MAN1A2: variants seen among roughly 807,000 people sequenced by gnomAD.
MAN1A2 encodes mannosyl-oligosaccharide 1,2-alpha-mannosidase IB.
MAN1A2 carries 26 observed loss-of-function variants against 75.7 expected under a neutral mutation model. That is an observed-to-expected ratio of 0.34 (90% confidence interval 0.25 to 0.48). The LOEUF (loss-of-function observed/expected upper bound fraction) is 0.48. Ranked by LOEUF, MAN1A2 falls within the 20% of genes least tolerant of loss-of-function variation. The pLI is 0.99. For missense variants in MAN1A2, 562 were observed against 775.5 expected (o/e 0.72, Z 3.27); for synonymous variants, 247 against 264.6 (o/e 0.93, Z 0.65).
At chr1:117,405,436 TA>T in intron 2 of MAN1A2, 112 bp from the exon 3 acceptor site, 1 of 701,552 alleles carries the variant, frequency 1.4e-6, no homozygotes. Context: ...AATGTACTAA[TA>T]TAGATCTGGA....
intron 7 of MAN1A2, among the ~76,000 whole-genome samples, chr1:117,464,685 A>AT (rs1649929809): frequency 6.6e-6 from 1 of 152,152 alleles, no homozygotes; most frequent in African/African-American, 2.4e-5. Context: ...GAAAAACAGA[A>AT]TCGAGTAAGG....
At chr1:117,384,474 A>T (rs777803247) in intron 1 of MAN1A2, among the ~76,000 whole-genome samples, 1 of 152,094 alleles carries the variant, frequency 6.6e-6, no homozygotes, top group Admixed American at 6.6e-5. Flanking sequence ...ACTTTGTATG[A>T]TTTAATATCT....
In MAN1A2 at chr1:117,489,473, T is replaced by C. The variant is rs142597181; in HGVS notation, c.1169-3674T>C. The stretch of plus-strand genomic sequence containing the variant: ...CATCCTTTCTTATGTTAATTATAAA[T>C]TGATGTTTCTTTTTTTGTTGTGTGT... On this transcript the variant is annotated intron_variant, in intron 8 of 12. Coordinates refer to ENST00000356554, the MANE Select transcript of MAN1A2 (RefSeq NM_006699.5). Among the ~76,000 whole-genome samples, 1,121 of 152,202 alleles carry C rather than the reference T, an allele frequency of 7.4e-3. 18 individuals carry two copies. The highest frequency in any genetic ancestry group is 0.026 in the African/African-American group (1,073 of 41,566).
intron 8 of MAN1A2, among the ~76,000 whole-genome samples, chr1:117,472,938 T>G (rs762818670): frequency 2.6e-5 from 4 of 151,996 alleles, no homozygotes; most frequent in Non-Finnish European, 4.4e-5. Context: ...ACAACCCTGC[T>G]GTAGAGGTCA....
chr1:117,416,363 C>T (rs894744570), intron 4 of MAN1A2, among the ~76,000 whole-genome samples: 6 of 152,052 alleles, frequency 3.9e-5, no homozygotes, highest in African/African-American at 7.2e-5. Flanking sequence ...TTGTTCTCTG[C>T]GGAAATTGTC....
chr1:117,436,290 G>C (rs947662180), intron 5 of MAN1A2, among the ~76,000 whole-genome samples: 1 of 152,168 alleles, frequency 6.6e-6, no homozygotes, highest in African/African-American at 2.4e-5. Flanking sequence ...GTAAAACTTA[G>C]AAACCTTAAG....
intron 5 of MAN1A2, among the ~76,000 whole-genome samples, chr1:117,423,351 GTGGC>G (rs1359370550): frequency 6.6e-6 from 1 of 152,060 alleles, no homozygotes; most frequent in African/African-American, 2.4e-5. Context: ...CAAAATTGTT[GTGGC>G]TGTTTTAGTT....
intron 8 of MAN1A2, among the ~76,000 whole-genome samples, chr1:117,488,234 C>CA (rs988536760): frequency 6.8e-6 from 1 of 147,808 alleles, no homozygotes; most frequent in Non-Finnish European, 1.5e-5. Context: ...TTTCTTGAGA[C>CA]AGAGTCTCAC....
At chr1:117,484,585 A>C (rs1295188647) in intron 8 of MAN1A2, among the ~76,000 whole-genome samples, 1 of 151,998 alleles carries the variant, frequency 6.6e-6, no homozygotes, top group Non-Finnish European at 1.5e-5. Flanking sequence ...AAGTTGTTTT[A>C]AGTGGATGCT....
At chr1:117,483,594 C>G (rs1276127650) in intron 8 of MAN1A2, among the ~76,000 whole-genome samples, 1 of 152,010 alleles carries the variant, frequency 6.6e-6, no homozygotes, top group Non-Finnish European at 1.5e-5. Context: ...GATTTTGTAT[C>G]CTGAGACTTT....
At chr1:117,502,473 T>A (rs919737690) in intron 11 of MAN1A2, among the ~76,000 whole-genome samples, 3 of 151,702 alleles carry the variant, frequency 2.0e-5, no homozygotes, top group Non-Finnish European at 3.0e-5. Context: ...TCCTTGGAAG[T>A]GATAAAATTG....
intron 5 of MAN1A2, among the ~76,000 whole-genome samples, chr1:117,436,545 C>T (rs1303730843): frequency 6.6e-6 from 1 of 152,220 alleles, no homozygotes; most frequent in Non-Finnish European, 1.5e-5. Flanking sequence ...TATCCCTGCA[C>T]ATTTGTGCTA....
chr1:117,494,244 C>T (rs1331913468), intron 9 of MAN1A2: 1 of 151,860 alleles, frequency 6.6e-6, no homozygotes, highest in Non-Finnish European at 1.5e-5. Context: ...ATAATTGGAA[C>T]AAGATTCATT....
rs527416352 is a variant in MAN1A2, at chr1:117,525,085, G to T, written c.*2128G>T. On this transcript the variant is annotated 3_prime_UTR_variant, in exon 13 of 13. Transcript: ENST00000356554. ...AGAGTAAAGGGACCTTCTTGGTTCT[G>T]CAGGAACTTCTCAAGGGATGAGGAG... 35 of 525,874 alleles carry T rather than the reference G, an allele frequency of 6.7e-5. No individual in the cohort carries two copies. The East Asian group carries it at 1.4e-3, about 22-fold the overall frequency. 32.6% of individuals were successfully genotyped at this position (525,874 alleles called of 1,614,324 possible).
In MAN1A2 at chr1:117,432,511, C is replaced by T. The variant is rs573009311; in HGVS notation, c.856-9720C>T. Among the ~76,000 whole-genome samples the T allele has an allele frequency of 2.5e-3, 388 of 152,180 alleles. 5 individuals are homozygous for T. The highest frequency in any genetic ancestry group is 8.7e-3 in the African/African-American group (360 of 41,548). On this transcript the variant is annotated intron_variant, in intron 5 of 12. Coordinates refer to ENST00000356554, the MANE Select transcript of MAN1A2 (RefSeq NM_006699.5). The stretch of plus-strand genomic sequence containing the variant: ...TGGAATATTATAAGCAGTTTTTTTG[C>T]AAAATTTAATAACATAGACAAAACA...
chr1:117,460,340 A>C (rs1649776528), intron 6 of MAN1A2, 149 bp from the exon 7 acceptor site: 1 of 517,432 alleles, frequency 1.9e-6, no homozygotes, highest in African/African-American at 1.9e-5. Flanking sequence ...TACCTATTTA[A>C]ATTTTTAATA....
At chr1:117,417,557 A>ATATATATATATATATATATATATGTGTG (rs1214425551) in intron 4 of MAN1A2, among the ~76,000 whole-genome samples, 3 of 140,744 alleles carry the variant, frequency 2.1e-5, no homozygotes, top group African/African-American at 7.9e-5. Flanking sequence ...ATATATATAT[A>ATATATATATATATATATATATATGTGTG]TGTGATATAT....
chr1:117,382,831 ATTTG>A, intron 1 of MAN1A2, among the ~76,000 whole-genome samples: 1 of 152,256 alleles, frequency 6.6e-6, no homozygotes, highest in South Asian at 2.1e-4. Flanking sequence ...ATGTTCTTCC[ATTTG>A]TTTGTATCCT....
chr1:117,451,648 A>G (rs2101825077), intron 6 of MAN1A2, among the ~76,000 whole-genome samples: 1 of 152,260 alleles, frequency 6.6e-6, no homozygotes, highest in African/African-American at 2.4e-5. Flanking sequence ...ACGAGATCTG[A>G]TGGTTTTAAA....
Sources: gnomAD v4.1 joint callset for allele counts (sites outside exome capture counted in the v4.1 genomes callset) on GRCh38, gnomAD v4.1.1 for gene constraint, MANE v1.5 for transcripts, NCBI Gene and HGNC (gene_info 2026-07-23, HGNC 2026-07-21) for gene names.